Variants in LDLRAP1 observed in about 807,000 individuals in gnomAD.
The protein encoded by LDLRAP1 is low density lipoprotein receptor adaptor protein 1.
Under a neutral mutation model 37.8 loss-of-function variants are expected in LDLRAP1, and 30 were observed. The ratio of observed to expected loss-of-function variants is 0.79; its 90% CI spans 0.59 to 1.08. The LOEUF (loss-of-function observed/expected upper bound fraction) is 1.08. Among genes scored for constraint, LDLRAP1 ranks in the 50% least tolerant of loss-of-function variants. LDLRAP1 has a pLI of 0.00. For synonymous variants in LDLRAP1, 156 were observed against 169.8 expected, an observed-to-expected ratio of 0.92 and a Z score of 0.63; for missense variants, 375 against 401.6, an observed-to-expected ratio of 0.93 and a Z score of 0.57.
At chr1:25,562,413 T>C (rs77654335) in intron 4 of LDLRAP1, among the ~76,000 whole-genome samples, 4,781 of 152,266 alleles carry the variant, frequency 0.031, 234 homozygotes, top group African/African-American at 0.11. Flanking sequence ...AGATGGGGAC[T>C]CTACTGCCTC....
intron 4 of LDLRAP1, among the ~76,000 whole-genome samples, chr1:25,560,948 C>G (rs2044328553): frequency 6.6e-6 from 1 of 152,284 alleles, no homozygotes; most frequent in South Asian, 2.1e-4. Context: ...GGGCTTGCAG[C>G]TACCTGCACA....
the LDLRAP1 span, among the ~76,000 whole-genome samples, chr1:25,583,529 G>A: frequency 6.6e-6 from 1 of 152,076 alleles, no homozygotes; most frequent in Non-Finnish European, 1.5e-5. Context: ...GTATTCTGTT[G>A]TTTGCAAATA....
At position 25,554,064 on chromosome 1, in the gene LDLRAP1, A is replaced by C. The variant is rs1026732995; in HGVS notation, c.231A>C (p.Thr77=). The C allele has an allele frequency of 1.2e-6, 2 of 1,613,832 alleles. No homozygotes were observed. ...CCGCCATCAAGAGGATCGTGGCTAC[A>C]GTGAGCACCCCAGTCAGGAAGGGTG... ...SAAAIKRIVA[T]AKASGKKLQK... is the part of the protein sequence containing the mutation. Residue 77 remains threonine (T), a splice_region_variant and synonymous_variant, in exon 2 of 9, where the codon ACA becomes ACC. Transcript: ENST00000374338. This position sits in a 1 kb window ranked among gnomAD's most constrained non-coding sequence, Gnocchi z 5.4.
chr1:25,578,549 G>A, the LDLRAP1 span, among the ~76,000 whole-genome samples: 36 of 151,562 alleles, frequency 2.4e-4, no homozygotes, highest in Admixed American at 1.6e-3. Context: ...TCACTCTGTC[G>A]CCCAGGCTGG....
the LDLRAP1 span, among the ~76,000 whole-genome samples, chr1:25,582,455 TG>T: frequency 6.7e-6 from 1 of 150,326 alleles, no homozygotes; most frequent in Non-Finnish European, 1.5e-5. Context: ...CATGGTGGCA[TG>T]CACCTGTAGT....
At chr1:25,558,713 T>C (rs868017966) in intron 4 of LDLRAP1, among the ~76,000 whole-genome samples, 3 of 152,212 alleles carry the variant, frequency 2.0e-5, no homozygotes, top group Non-Finnish European at 4.4e-5. Flanking sequence ...TCAGCACTCC[T>C]TCTGATGACA....
the LDLRAP1 span, among the ~76,000 whole-genome samples, chr1:25,588,349 C>G: frequency 3.3e-5 from 5 of 152,312 alleles, no homozygotes; most frequent in African/African-American, 9.6e-5. Flanking sequence ...GCATCTGTCT[C>G]CTGCTCGTCC....
chr1:25,546,600 C>G (rs1434718593), intron 1 of LDLRAP1, among the ~76,000 whole-genome samples: 2 of 152,166 alleles, frequency 1.3e-5, no homozygotes, highest in Non-Finnish European at 2.9e-5. Flanking sequence ...GGCCCCTCAG[C>G]ACTCTTTCCA....
At chr1:25,577,228 G>A in the LDLRAP1 span, among the ~76,000 whole-genome samples, 9 of 152,348 alleles carry the variant, frequency 5.9e-5, no homozygotes, top group Admixed American at 3.9e-4. Flanking sequence ...AAAGAGTAGA[G>A]CAGGAAGGAG....
intron 4 of LDLRAP1, 133 bp from the exon 5 acceptor site, chr1:25,562,511 G>A: frequency 1.3e-6 from 1 of 750,178 alleles, no homozygotes. Flanking sequence ...GCATTCCAGA[G>A]CCTGGGATGG....
chr1:25,570,579 GC>G (rs2044590717), downstream of LDLRAP1, among the ~76,000 whole-genome samples: 1 of 152,130 alleles, frequency 6.6e-6, no homozygotes, highest in Non-Finnish European at 1.5e-5. Context: ...AAGTAACCCG[GC>G]CGGGCGCAGT....
the LDLRAP1 span, among the ~76,000 whole-genome samples, chr1:25,587,861 G>C: frequency 6.6e-6 from 1 of 152,158 alleles, no homozygotes; most frequent in East Asian, 1.9e-4. Context: ...GTGGGGAAAA[G>C]AAAGAGAGAT....
At position 25,544,899 on chromosome 1, in the gene LDLRAP1, C is replaced by G. The variant is rs548488364; in HGVS notation, c.88+1113C>G. 1.3e-5 allele frequency among the ~76,000 whole-genome samples: 2 copies of G among 152,240 alleles called. No individual in the cohort carries two copies. Among genetic ancestry groups the G allele is most frequent in the African/African-American group, 4.8e-5 (2 of 41,472 alleles). ...CTTACAGGGCTCTGCCAGGGGAGCC[C>G]GAGCTCCCTGGTCCAAGGAGTGCCA... On this transcript the variant is annotated intron_variant, in intron 1 of 8. Transcript: ENST00000374338. This position sits in a 1 kb window ranked among gnomAD's most constrained non-coding sequence, Gnocchi z 4.8.
At chr1:25,573,403 A>G (rs901213645), downstream of LDLRAP1, among the ~76,000 whole-genome samples, 3 of 152,196 alleles carry the variant, frequency 2.0e-5, no homozygotes, top group Non-Finnish European at 2.9e-5. Context: ...GCAGGGGCTC[A>G]GGGATCTGGC....
chr1:25,571,385 A>G (rs1419700056), downstream of LDLRAP1, among the ~76,000 whole-genome samples: 1 of 152,226 alleles, frequency 6.6e-6, no homozygotes, highest in Non-Finnish European at 1.5e-5. Context: ...TCAGCCTGCC[A>G]GTGGGGCCCA....
intron 1 of LDLRAP1, among the ~76,000 whole-genome samples, chr1:25,552,688 G>A (rs566510574): frequency 3.2e-4 from 49 of 152,286 alleles, no homozygotes; most frequent in Non-Finnish European, 5.1e-4. Flanking sequence ...TCCTCCTTCC[G>A]AGGAGCCGGG....
Position 25,543,761 on chromosome 1 carries a change from C to T in LDLRAP1, c.63C>T (p.Ser21=), listed in dbSNP as rs2124633771. The T allele has an allele frequency of 1.7e-6, 2 of 1,210,430 alleles. No individual in the cohort carries two copies. The highest frequency in any genetic ancestry group is 3.4e-5 in the East Asian group (1 of 29,768). 75.0% of individuals were successfully genotyped at this position (1,210,430 alleles called of 1,614,324 possible). Residue 21 remains serine (S), a synonymous_variant, in exon 1 of 9, where the codon AGC becomes AGT. Coordinates refer to ENST00000374338, the MANE Select transcript of LDLRAP1 (RefSeq NM_015627.3). ...LIRSPSLAKQ[S]WGGGGRHRKL... ...GGAGCCCCAGCTTGGCCAAGCAGAGCTGGGGGGGCGGTGGCCGGCACCGCA... is the reference window on the plus strand; with the variant it reads ...GGAGCCCCAGCTTGGCCAAGCAGAGTTGGGGGGGCGGTGGCCGGCACCGCA...
intron 4 of LDLRAP1, among the ~76,000 whole-genome samples, chr1:25,560,032 G>A (rs1447365353): frequency 6.6e-6 from 1 of 151,580 alleles, no homozygotes; most frequent in African/African-American, 2.4e-5. Context: ...GGCTTTGAAG[G>A]CTGAGGAGCC....
intron 1 of LDLRAP1, among the ~76,000 whole-genome samples, chr1:25,551,919 C>T (rs1439288561): frequency 6.6e-6 from 1 of 152,156 alleles, no homozygotes; most frequent in Non-Finnish European, 1.5e-5. Context: ...GTCAGTAAGT[C>T]CCTGCTCACC....
Sources: gnomAD v4.1 joint callset for allele counts (sites outside exome capture counted in the v4.1 genomes callset) on GRCh38, gnomAD v4.1.1 for gene constraint, Gnocchi (gnomAD v3.1) non-coding constraint, MANE v1.5 for transcripts, NCBI Gene and HGNC (gene_info 2026-07-23, HGNC 2026-07-21) for gene names.